DOK6: variants seen among roughly 807,000 people sequenced by gnomAD.
DOK6 encodes downstream of tyrosine kinase 6.
A neutral mutation model predicts 44.0 loss-of-function variants in DOK6; 22 were observed. The observed-to-expected ratio is 0.50, with a 90% CI of 0.36 to 0.71. DOK6 has a LOEUF of 0.71. Ranked by LOEUF, DOK6 falls within the 30% of genes least tolerant of loss-of-function variation. The pLI, the probability that DOK6 is intolerant of heterozygous loss-of-function variation, is 0.00. For missense variants in DOK6, 340 were observed against 416.4 expected (o/e 0.82, Z 1.60); for synonymous variants, 166 against 145.5 (o/e 1.14, Z -1.01).
rs181198162 is a variant in DOK6, at chr18:69,589,639, A to T, written c.175-9745A>T. 1.5e-4 allele frequency among the ~76,000 whole-genome samples: 23 copies of T among 152,262 alleles called. No homozygotes were observed. In the East Asian group the frequency reaches 4.2e-3, roughly 28 times the overall value. On this transcript the variant is annotated intron_variant, in intron 2 of 7. Coordinates refer to ENST00000382713, the MANE Select transcript of DOK6 (RefSeq NM_152721.6). ...TGTGGTTTTGCCTATTTATGTATGT[A>T]GTAAATAGTGTAAATGCAATTGTAG...
intron 1 of DOK6, among the ~76,000 whole-genome samples, chr18:69,507,443 T>A (rs1313184945): frequency 6.6e-6 from 1 of 152,172 alleles, no homozygotes; most frequent in African/African-American, 2.4e-5. Flanking sequence ...TATTTCAGAA[T>A]CAGCTCATTG....
chr18:69,407,678 A>G (rs930158280), intron 1 of DOK6, among the ~76,000 whole-genome samples: 10 of 152,242 alleles, frequency 6.6e-5, no homozygotes, highest in African/African-American at 2.4e-4. Context: ...GGATAGAATA[A>G]GTAATGATAT....
At chr18:69,679,159 G>A (rs1006533117) in intron 4 of DOK6, among the ~76,000 whole-genome samples, 12 of 152,176 alleles carry the variant, frequency 7.9e-5, no homozygotes, top group Non-Finnish European at 1.8e-4. Flanking sequence ...CTGGGTGACA[G>A]AGTGAGGCCA....
chr18:69,640,874 C>G (rs767812367), intron 3 of DOK6, among the ~76,000 whole-genome samples: 1 of 152,016 alleles, frequency 6.6e-6, no homozygotes, highest in Non-Finnish European at 1.5e-5. Flanking sequence ...ATTAGTATAA[C>G]AGTATGCTCT....
At chr18:69,476,362 T>C (rs910476596) in intron 1 of DOK6, among the ~76,000 whole-genome samples, 15 of 152,284 alleles carry the variant, frequency 9.9e-5, no homozygotes, top group Admixed American at 9.8e-4. Context: ...CTACGCTCTT[T>C]GTCTAATATT....
chr18:69,523,459 T>G (rs900574290), intron 1 of DOK6, among the ~76,000 whole-genome samples: 1 of 152,018 alleles, frequency 6.6e-6, no homozygotes, highest in Non-Finnish European at 1.5e-5. Context: ...AATAATTACC[T>G]TATCACCTGA....
In DOK6 at chr18:69,449,457, C is replaced by A. The variant is rs114224250; in HGVS notation, c.66+48147C>A. ...CTTAATAGCATATGTTATCGAAATACCTTAGCATTTGAAATAAGGAATTTT... is the reference window on the plus strand; with the variant it reads ...CTTAATAGCATATGTTATCGAAATAACTTAGCATTTGAAATAAGGAATTTT... On this transcript the variant is annotated intron_variant, in intron 1 of 7. Transcript: ENST00000382713. 6.5e-3 allele frequency among the ~76,000 whole-genome samples: 995 copies of A among 152,194 alleles called. 11 individuals carry two copies. The highest frequency in any genetic ancestry group is 0.022 in the African/African-American group (905 of 41,528).
At chr18:69,795,090 T>G (rs1980705870) in intron 7 of DOK6, among the ~76,000 whole-genome samples, 1 of 152,102 alleles carries the variant, frequency 6.6e-6, no homozygotes, top group Admixed American at 6.6e-5. Flanking sequence ...CCCTGATCCA[T>G]GGAAAAATTG....
chr18:69,641,748 G>A (rs1202377308), intron 3 of DOK6, among the ~76,000 whole-genome samples: 1 of 152,154 alleles, frequency 6.6e-6, no homozygotes, highest in Non-Finnish European at 1.5e-5. Flanking sequence ...TGATAACAGT[G>A]TCTAGTGATA....
At chr18:69,839,812 C>T (rs1325803561) in intron 7 of DOK6, among the ~76,000 whole-genome samples, 8 of 152,122 alleles carry the variant, frequency 5.3e-5, no homozygotes, top group Admixed American at 5.2e-4. Flanking sequence ...GAGCCAGGGG[C>T]GTGGGGCAGG....
intron 2 of DOK6, among the ~76,000 whole-genome samples, chr18:69,569,709 AT>A (rs201429653): frequency 4.0e-5 from 6 of 151,438 alleles, no homozygotes; most frequent in Admixed American, 6.6e-5. Context: ...AACAAAAATT[AT>A]TTTTTTTTAG....
chr18:69,807,778 A>G (rs2145112326), intron 7 of DOK6, among the ~76,000 whole-genome samples: 1 of 151,968 alleles, frequency 6.6e-6, no homozygotes, highest in Non-Finnish European at 1.5e-5. Context: ...AAATTGGAGC[A>G]CCTAAATAAA....
intron 1 of DOK6, among the ~76,000 whole-genome samples, chr18:69,424,842 T>C (rs1343212148): frequency 6.6e-6 from 1 of 152,198 alleles, no homozygotes; most frequent in Non-Finnish European, 1.5e-5. Flanking sequence ...TTCTTGTGCA[T>C]GAGCTTGTTA....
intron 1 of DOK6, among the ~76,000 whole-genome samples, chr18:69,449,502 T>C (rs117950330): frequency 0.037 from 5,573 of 152,332 alleles, 163 homozygotes; most frequent in Non-Finnish European, 0.05. Context: ...ACTAATTTAA[T>C]AGCAAAACTT....
At chr18:69,539,378 C>A (rs1982206666) in intron 1 of DOK6, among the ~76,000 whole-genome samples, 1 of 151,290 alleles carries the variant, frequency 6.6e-6, no homozygotes, top group East Asian at 1.9e-4. Flanking sequence ...TTCTTAAATT[C>A]ATTTTTTTGT....
At chr18:69,781,208 T>G (rs1309278032) in intron 7 of DOK6, 2 of 152,172 alleles carry the variant, frequency 1.3e-5, no homozygotes, top group African/African-American at 4.8e-5. Flanking sequence ...GATTTTTTTC[T>G]ATAGTGCTAT....
intron 5 of DOK6, among the ~76,000 whole-genome samples, chr18:69,720,138 C>T (rs1038917116): frequency 6.6e-6 from 1 of 151,978 alleles, no homozygotes; most frequent in Non-Finnish European, 1.5e-5. Context: ...GCAGTGAGCC[C>T]AGATTGTGCC....
chr18:69,805,420 T>C (rs922674206), intron 7 of DOK6, among the ~76,000 whole-genome samples: 1 of 152,180 alleles, frequency 6.6e-6, no homozygotes, highest in African/African-American at 2.4e-5. Context: ...TGGCCTGAGA[T>C]ATATTAACTA....
chr18:69,674,144 A>C (rs1429346459), intron 3 of DOK6, among the ~76,000 whole-genome samples: 1 of 152,244 alleles, frequency 6.6e-6, no homozygotes, highest in Non-Finnish European at 1.5e-5. Context: ...AAAAGACTTC[A>C]ATACATAGAG....
Sources: allele counts gnomAD v4.1 joint callset (sites outside exome capture counted in the v4.1 genomes callset), GRCh38; gene constraint gnomAD v4.1.1; transcripts MANE v1.5; gene names NCBI Gene and HGNC (gene_info 2026-07-23, HGNC 2026-07-21).